The following DGKE variants were observed in gnomAD, a reference collection of about 807,000 sequenced individuals.
DGKE encodes DAG kinase epsilon.
In DGKE, 53 loss-of-function variants were observed where a neutral mutation model predicts 70.0. The observed-to-expected ratio is 0.76, with a 90% CI of 0.61 to 0.95. The LOEUF (loss-of-function observed/expected upper bound fraction) is 0.95. Among genes scored for constraint, DGKE ranks in the 40% least tolerant of loss-of-function variants. The pLI is 0.00. For synonymous variants in DGKE, 291 were observed against 257.0 expected (o/e 1.13, Z -1.27); for missense variants, 655 against 706.9 (o/e 0.93, Z 0.83).
In DGKE at chr17:56,860,859, C is replaced by G. The variant is rs577530616; in HGVS notation, c.1285-932C>G. 5.3e-4 allele frequency among the ~76,000 whole-genome samples: 81 copies of G among 152,198 alleles called. 1 individual carries two copies. The highest frequency in any genetic ancestry group is 1.5e-5 in the Non-Finnish European group (1 of 68,012). ...CAGGAAGGAAAGACAAGCGCTGAGGCTAGAGAGATGGACAGAAGTCAAATC... is the reference window on the plus strand; with the variant it reads ...CAGGAAGGAAAGACAAGCGCTGAGGGTAGAGAGATGGACAGAAGTCAAATC... On this transcript the variant is annotated intron_variant, in intron 9 of 11. Coordinates refer to ENST00000284061, the MANE Select transcript of DGKE (RefSeq NM_003647.3).
Position 56,864,444 on chromosome 17 carries a change from T to C in DGKE, c.*1653T>C, listed in dbSNP as rs945279973. 9.9e-5 allele frequency: 15 copies of C among 151,948 alleles called. No individual in the cohort carries two copies. The highest frequency in any genetic ancestry group is 3.6e-4 in the African/African-American group (15 of 41,198). The allele number at this position is 151,948 out of a possible 1,614,324, so 9.4% of individuals were successfully genotyped here. ...ACAGTAGTCAGTACATTTTATGAAATACTCTATTTTGCTAAATTAACCTCT... is the reference window on the plus strand; with the variant it reads ...ACAGTAGTCAGTACATTTTATGAAACACTCTATTTTGCTAAATTAACCTCT... On this transcript the variant is annotated 3_prime_UTR_variant, in exon 12 of 12. Coordinates refer to ENST00000284061, the MANE Select transcript of DGKE (RefSeq NM_003647.3).
intron 4 of DGKE, chr17:56,846,184 G>C (rs1446127794): frequency 6.4e-6 from 1 of 155,654 alleles, no homozygotes; most frequent in Non-Finnish European, 1.4e-5. Flanking sequence ...ATCAGCTGAT[G>C]AGTTGATAAA....
chr17:56,867,526 CCAGGCGGCAGAG>C lies in DGKE; in HGVS notation c.*4737_*4748del, dbSNP rs1908573414. On this transcript the variant is annotated 3_prime_UTR_variant, in exon 12 of 12. Coordinates refer to ENST00000284061, the MANE Select transcript of DGKE (RefSeq NM_003647.3). Reference sequence around the variant, plus strand: ...GCTGAGGCACGAGAATTGCTCGAACCCAGGCGGCAGAGCTTGCAGTGAGCGGAGATCACATGA... The same window carrying C: ...GCTGAGGCACGAGAATTGCTCGAACCCTTGCAGTGAGCGGAGATCACATGA... The C allele has an allele frequency of 6.6e-6, 1 of 152,136 alleles. No homozygotes were observed. 9.4% of individuals were successfully genotyped at this position (152,136 alleles called of 1,614,324 possible).
intron 8 of DGKE, among the ~76,000 whole-genome samples, chr17:56,857,387 G>C (rs1463501045): frequency 6.6e-6 from 1 of 152,154 alleles, no homozygotes; most frequent in Admixed American, 6.5e-5. Context: ...GTCATCTCTG[G>C]TTTCTAGTAT....
chr17:56,835,317 T>C, intron 2 of DGKE, 58 bp downstream of exon 2: 2 of 1,497,746 alleles, frequency 1.3e-6, no homozygotes, highest in Non-Finnish European at 1.8e-6. Context: ...CAGGATTTCA[T>C]AGAGTGGTGT....
chr17:56,851,137 C>T (rs1907622152), intron 7 of DGKE, among the ~76,000 whole-genome samples: 1 of 152,034 alleles, frequency 6.6e-6, no homozygotes, highest in African/African-American at 2.4e-5. Flanking sequence ...AGGCTTCTAC[C>T]ACATCACTCA....
rs762791909 is a variant in DGKE at position 56,856,519 on chromosome 17, C to A, written c.1106C>A (p.Thr369Lys). Residue 369 changes from threonine (T) to lysine (K), a missense_variant, in exon 8 of 12, where the codon ACA becomes AAA. Thr to Lys is a moderately conservative substitution (Grantham distance 78). Transcript: ENST00000284061. The part of the protein sequence containing the change: ...YYNLRKPKEF[T>K]MNNYFSVGPD... Reference sequence around the variant, plus strand: ...TCTTACCCTTTCTCACAGGAATTCACAATGAACAACTATTTTTCTGTTGGA... The same window carrying A: ...TCTTACCCTTTCTCACAGGAATTCAAAATGAACAACTATTTTTCTGTTGGA... The A allele has an allele frequency of 1.2e-6, 2 of 1,612,654 alleles. No homozygotes were observed. Among genetic ancestry groups the A allele is most frequent in the Non-Finnish European group, 1.7e-6 (2 of 1,179,470 alleles).
chr17:56,862,905 G>A lies in DGKE; in HGVS notation c.*114G>A, dbSNP rs1908380853. ...CTATTCAGTCTTAATTTCACTAGTA[G>A]TATAATGGGTATACATTTTTGTAAA... On this transcript the variant is annotated 3_prime_UTR_variant, in exon 12 of 12. Coordinates refer to ENST00000284061, the MANE Select transcript of DGKE (RefSeq NM_003647.3). 8 of 822,330 alleles carry A rather than the reference G, an allele frequency of 9.7e-6. No individual in the cohort carries two copies. Among genetic ancestry groups the A allele is most frequent in the Non-Finnish European group, 1.3e-5 (8 of 593,878 alleles). 50.9% of individuals were successfully genotyped at this position (822,330 alleles called of 1,614,324 possible).
intron 7 of DGKE, among the ~76,000 whole-genome samples, chr17:56,855,602 C>A (rs758165484): frequency 2.6e-5 from 4 of 152,126 alleles, no homozygotes; most frequent in Non-Finnish European, 5.9e-5. Context: ...TTGTGTCCAG[C>A]CATCCTTAGA....
intron 9 of DGKE, among the ~76,000 whole-genome samples, chr17:56,860,379 A>C (rs1042907897): frequency 1.3e-5 from 2 of 152,188 alleles, no homozygotes; most frequent in African/African-American, 4.8e-5. Flanking sequence ...AAAAAATAAA[A>C]ATAGCTGAGC....
At chr17:56,837,944 TTC>T (rs1255905538) in intron 2 of DGKE, among the ~76,000 whole-genome samples, 8 of 152,232 alleles carry the variant, frequency 5.3e-5, no homozygotes, top group Non-Finnish European at 4.4e-5. Flanking sequence ...TGTAGATTTT[TTC>T]TTTTTGTGTG....
Position 56,851,503 on chromosome 17 carries a change from G to A in DGKE, c.1098+2271G>A, listed in dbSNP as rs567378003. Among the ~76,000 whole-genome samples, 5 of 152,282 alleles carry A rather than the reference G, an allele frequency of 3.3e-5. No homozygotes were observed. In the East Asian group the frequency reaches 5.8e-4, roughly 18 times the overall value. On this transcript the variant is annotated intron_variant, in intron 7 of 11. Coordinates refer to ENST00000284061, the MANE Select transcript of DGKE (RefSeq NM_003647.3). ...ACACGTACCAATATTTGAGTGTCCC[G>A]TAGCAAAAGGACCAGATTTTTGCAC...
chr17:56,856,005 C>CAAA (rs35335003), intron 7 of DGKE, among the ~76,000 whole-genome samples: 6 of 120,290 alleles, frequency 5.0e-5, no homozygotes, highest in African/African-American at 1.3e-4. Context: ...GACTCCATCT[C>CAAA]AAAAAAAAAA....
intron 7 of DGKE, among the ~76,000 whole-genome samples, chr17:56,853,954 T>G (rs2144263815): frequency 6.7e-6 from 1 of 149,164 alleles, no homozygotes; most frequent in East Asian, 2.0e-4. Flanking sequence ...GTATGCCATA[T>G]ATACACAATG....
At chr17:56,840,392 T>G (rs539257266) in intron 2 of DGKE, among the ~76,000 whole-genome samples, 19 of 151,844 alleles carry the variant, frequency 1.3e-4, no homozygotes, top group South Asian at 6.2e-4. Flanking sequence ...TGTTGTTGTT[T>G]TTTGAGACAG....
intron 1 of DGKE, among the ~76,000 whole-genome samples, 152 bp from the exon 2 acceptor site, chr17:56,834,626 T>A (rs1480618965): frequency 1.3e-5 from 2 of 151,856 alleles, no homozygotes; most frequent in East Asian, 3.9e-4. Context: ...GCGCGGCAGG[T>A]CCCGGGAGAC....
At chr17:56,859,164 A>G (rs1172016500) in intron 9 of DGKE, among the ~76,000 whole-genome samples, 1 of 59,334 alleles carries the variant, frequency 1.7e-5, no homozygotes, top group Non-Finnish European at 4.7e-5. Context: ...TATAAATACA[A>G]AAAAAAAAAA....
rs1465184908 is a variant in DGKE at position 56,864,797 on chromosome 17, TCA to T, written c.*2009_*2010del. 3.3e-5 allele frequency: 5 copies of T among 152,168 alleles called. No homozygotes were observed. Among genetic ancestry groups the T allele is most frequent in the Admixed American group, 2.0e-4 (3 of 15,266 alleles). The allele number at this position is 152,168 out of a possible 1,614,324, so 9.4% of individuals were successfully genotyped here. ...ATTTAGGATGTTGGAACGAAAATAA[TCA>T]CAATAACTAATACAGCTTTTTAATT... On this transcript the variant is annotated 3_prime_UTR_variant, in exon 12 of 12. Transcript: ENST00000284061.
At chr17:56,846,185 A>ATT (rs1907275854) in intron 4 of DGKE, 1 of 155,658 alleles carries the variant, frequency 6.4e-6, no homozygotes, top group Non-Finnish European at 1.4e-5. Flanking sequence ...TCAGCTGATG[A>ATT]GTTGATAAAC....
Sources: allele counts gnomAD v4.1 joint callset (sites outside exome capture counted in the v4.1 genomes callset), GRCh38; gene constraint gnomAD v4.1.1; transcripts MANE v1.5; gene names NCBI Gene and HGNC (gene_info 2026-07-23, HGNC 2026-07-21).